The following MARCHF1 variants were observed in gnomAD, a reference collection of about 807,000 sequenced individuals.
MARCHF1 encodes the protein membrane associated ring-CH-type finger 1, also known as E3 ubiquitin-protein ligase MARCHF1.
Under a neutral mutation model 54.2 loss-of-function variants are expected in MARCHF1, and 40 were observed. The ratio of observed to expected loss-of-function variants is 0.74; its 90% CI spans 0.57 to 0.96. The LOEUF (loss-of-function observed/expected upper bound fraction) is 0.96, where lower values mean the gene tolerates loss of function less well. Among genes scored for constraint, MARCHF1 ranks in the 40% least tolerant of loss-of-function variants. The pLI is 0.00. For synonymous variants in MARCHF1, 236 were observed against 236.3 expected (o/e 1.00, Z 0.01); for missense variants, 586 against 656.5 (o/e 0.89, Z 1.17).
chr4:163,953,977 A>G (rs1752184393), intron 3 of MARCHF1, among the ~76,000 whole-genome samples: 1 of 152,186 alleles, frequency 6.6e-6, no homozygotes. Flanking sequence ...CCAATAAAAA[A>G]CTACAGCAGA....
intron 2 of MARCHF1, among the ~76,000 whole-genome samples, chr4:164,015,163 T>C (rs890240045): frequency 3.3e-5 from 5 of 152,144 alleles, no homozygotes; most frequent in African/African-American, 1.2e-4. Flanking sequence ...ATTATGGTTA[T>C]CTCATTTTTT....
At chr4:164,126,971 T>C (rs1287701870) in intron 1 of MARCHF1, among the ~76,000 whole-genome samples, 2 of 152,086 alleles carry the variant, frequency 1.3e-5, no homozygotes, top group Non-Finnish European at 2.9e-5. Flanking sequence ...GGAGAATCGC[T>C]TGAACCCAGG....
At chr4:163,894,450 A>G (rs1052884271) in intron 3 of MARCHF1, among the ~76,000 whole-genome samples, 2 of 151,774 alleles carry the variant, frequency 1.3e-5, no homozygotes. Flanking sequence ...AAAGATTAAT[A>G]AAGAGATAAA....
chr4:163,638,210 T>C (rs1453122568), intron 5 of MARCHF1, among the ~76,000 whole-genome samples: 1 of 146,040 alleles, frequency 6.8e-6, no homozygotes, highest in Non-Finnish European at 1.5e-5. Flanking sequence ...ACCAGCACAA[T>C]GTGCACATGT....
chr4:164,341,388 T>C (rs970606523), intron 1 of MARCHF1, among the ~76,000 whole-genome samples: 2 of 151,648 alleles, frequency 1.3e-5, no homozygotes, highest in African/African-American at 4.8e-5. Flanking sequence ...AACATGGCAC[T>C]AGAAGTCCTA....
chr4:164,340,007 C>T (rs936312344), intron 1 of MARCHF1, among the ~76,000 whole-genome samples: 3 of 151,934 alleles, frequency 2.0e-5, no homozygotes, highest in Admixed American at 2.0e-4. Flanking sequence ...AAGACTAAAT[C>T]ATGAATAGGA....
chr4:163,931,340 C>A (rs1217105679), intron 3 of MARCHF1, among the ~76,000 whole-genome samples: 1 of 152,026 alleles, frequency 6.6e-6, no homozygotes, highest in African/African-American at 2.4e-5. Flanking sequence ...ATGTATCTCC[C>A]CAAAATTCAA....
At chr4:164,317,930 C>T (rs1250373076) in intron 1 of MARCHF1, among the ~76,000 whole-genome samples, 1 of 152,122 alleles carries the variant, frequency 6.6e-6, no homozygotes, top group East Asian at 1.9e-4. Flanking sequence ...TTATTTGTTC[C>T]TTCCTGGTGA....
In MARCHF1 at chr4:164,269,336, G is replaced by T. The variant is rs375226550; in HGVS notation, c.-323+114534C>A. 1.8e-4 allele frequency among the ~76,000 whole-genome samples: 28 copies of T among 152,130 alleles called. No homozygotes were observed. In the East Asian group the frequency reaches 2.7e-3, roughly 15 times the overall value. ...AATTCCTCAAGACTGCAGCATTTCA[G>T]ATAAGCCACCCTCACAAGAACACTT... On this transcript the variant is annotated intron_variant, in intron 1 of 9. Coordinates refer to ENST00000514618, the MANE Select transcript of MARCHF1 (RefSeq NM_001394959.1).
At position 163,598,287 on chromosome 4, in the gene MARCHF1, A is replaced by G. The variant is rs144588470; in HGVS notation, c.1011-12358T>C. Reference sequence around the variant, plus strand: ...ATCACTGTCTGTTGAGCCTTTTGCAATGCCTGTCCTTCATTTTGTCTCCTT... The same window carrying G: ...ATCACTGTCTGTTGAGCCTTTTGCAGTGCCTGTCCTTCATTTTGTCTCCTT... On this transcript the variant is annotated intron_variant, in intron 7 of 9. Transcript: ENST00000514618. Among the ~76,000 whole-genome samples, 9 of 152,316 alleles carry G rather than the reference A, an allele frequency of 5.9e-5. No homozygotes were observed. In the East Asian group the frequency reaches 1.7e-3, roughly 29 times the overall value.
At chr4:163,857,016 A>AAATG (rs1749785092) in intron 3 of MARCHF1, among the ~76,000 whole-genome samples, 1 of 24,406 alleles carries the variant, frequency 4.1e-5, no homozygotes, top group South Asian at 1.1e-3. Context: ...TTGTCTCGAA[A>AAATG]AATAAATAAA....
chr4:163,601,025 A>G (rs1236307667), intron 7 of MARCHF1, among the ~76,000 whole-genome samples: 1 of 152,226 alleles, frequency 6.6e-6, no homozygotes, highest in African/African-American at 2.4e-5. Context: ...CAGAGTGCTA[A>G]GAGCAAAAGA....
At chr4:163,592,127 C>G (rs1408830401) in intron 7 of MARCHF1, among the ~76,000 whole-genome samples, 1 of 152,082 alleles carries the variant, frequency 6.6e-6, no homozygotes, top group Non-Finnish European at 1.5e-5. Flanking sequence ...ACCTTGAAAA[C>G]TCAAGTTCAA....
At chr4:164,172,160 C>T (rs1479563800) in intron 1 of MARCHF1, among the ~76,000 whole-genome samples, 1 of 152,170 alleles carries the variant, frequency 6.6e-6, no homozygotes, top group African/African-American at 2.4e-5. Flanking sequence ...GAAACTATGA[C>T]ATCATCTATG....
intron 1 of MARCHF1, among the ~76,000 whole-genome samples, chr4:164,245,595 G>C (rs1458139343): frequency 6.6e-6 from 1 of 151,826 alleles, no homozygotes; most frequent in African/African-American, 2.4e-5. Flanking sequence ...GGAAGTTCTG[G>C]CCAGGGCAAT....
rs186890953 is a variant in MARCHF1, at chr4:163,633,888, G to A, written c.163-20495C>T. On this transcript the variant is annotated intron_variant, in intron 5 of 9. Coordinates refer to ENST00000514618, the MANE Select transcript of MARCHF1 (RefSeq NM_001394959.1). The stretch of plus-strand genomic sequence containing the variant: ...TCAAAGGGAAGCCCATCAGACTAAC[G>A]GCGGATCTCATGGCAGACACCCTAC... 1.5e-3 allele frequency among the ~76,000 whole-genome samples: 223 copies of A among 152,276 alleles called. 1 individual carries two copies. The highest frequency in any genetic ancestry group is 4.7e-3 in the African/African-American group (197 of 41,562).
chr4:164,357,534 A>C (rs987242986), intron 1 of MARCHF1, among the ~76,000 whole-genome samples: 1 of 152,206 alleles, frequency 6.6e-6, no homozygotes, highest in African/African-American at 2.4e-5. Context: ...GGTTCAGCGC[A>C]TATGAGATGA....
intron 5 of MARCHF1, among the ~76,000 whole-genome samples, chr4:163,620,618 G>A (rs1444440966): frequency 1.3e-5 from 1 of 76,446 alleles, no homozygotes; most frequent in Non-Finnish European, 3.0e-5. Flanking sequence ...GAGAGAGAGA[G>A]AGAGAGAGAG....
chr4:163,922,565 A>T (rs1202647313), intron 3 of MARCHF1, among the ~76,000 whole-genome samples: 1 of 152,232 alleles, frequency 6.6e-6, no homozygotes, highest in Non-Finnish European at 1.5e-5. Flanking sequence ...TGTTACTCAC[A>T]TACAGCTATT....
Sources: allele counts gnomAD v4.1 joint callset (sites outside exome capture counted in the v4.1 genomes callset), GRCh38; gene constraint gnomAD v4.1.1; transcripts MANE v1.5; gene names NCBI Gene and HGNC (gene_info 2026-07-23, HGNC 2026-07-21).